The following SOS1 variants were observed in gnomAD, a reference collection of about 807,000 sequenced individuals.
SOS1 encodes son of sevenless homolog 1.
A neutral mutation model predicts 157.6 loss-of-function variants in SOS1; 25 were observed. The observed-to-expected ratio is 0.16, with a 90% CI of 0.12 to 0.22. SOS1 has a LOEUF of 0.22. SOS1 is among the 10% of genes least tolerant of loss of function. SOS1 has a pLI of 1.00. For missense variants in SOS1, 1,237 were observed against 1,599.1 expected (o/e 0.77, Z 3.86); for synonymous variants, 528 against 534.0 (o/e 0.99, Z 0.16).
At chr2:39,044,819 C>T (rs1670696228) in intron 6 of SOS1, among the ~76,000 whole-genome samples, 1 of 151,768 alleles carries the variant, frequency 6.6e-6, no homozygotes, top group Non-Finnish European at 1.5e-5. Flanking sequence ...CAATTCCCCA[C>T]ATATACTGAG....
chr2:39,050,328 C>T (rs868289766), intron 6 of SOS1, among the ~76,000 whole-genome samples: 2 of 152,078 alleles, frequency 1.3e-5, no homozygotes, highest in African/African-American at 2.4e-5. Context: ...CTTTCTATCT[C>T]GTGGTATCTG....
intron 1 of SOS1, among the ~76,000 whole-genome samples, chr2:39,100,063 A>G (rs1672906972): frequency 6.6e-6 from 1 of 152,194 alleles, no homozygotes; most frequent in South Asian, 2.1e-4. Context: ...AAACAGGTAT[A>G]TGAAAAGGTA....
chr2:39,069,257 CCCACCTACT>C (rs1240337562), intron 1 of SOS1, among the ~76,000 whole-genome samples: 1 of 144,740 alleles, frequency 6.9e-6, no homozygotes, highest in African/African-American at 2.6e-5. Context: ...TGTAGTAGTC[CCCACCTACT>C]CCAGAGGCTG....
chr2:39,085,032 A>G (rs563251894), intron 1 of SOS1, among the ~76,000 whole-genome samples: 1 of 151,922 alleles, frequency 6.6e-6, no homozygotes, highest in African/African-American at 2.4e-5. Flanking sequence ...CATCTATCCT[A>G]TCCTATTTTT....
At chr2:38,998,022 G>A (rs373515189) in intron 17 of SOS1, among the ~76,000 whole-genome samples, 45 of 152,274 alleles carry the variant, frequency 3.0e-4, no homozygotes, top group Non-Finnish European at 5.7e-4. Context: ...GGTTTTGCAA[G>A]CCTGTCAAAT....
intron 8 of SOS1, among the ~76,000 whole-genome samples, chr2:39,028,083 C>T (rs1258113900): frequency 1.3e-5 from 2 of 152,148 alleles, no homozygotes; most frequent in Admixed American, 6.5e-5. Context: ...ACTGGGATTA[C>T]AGGCATGAGC....
chr2:39,010,895 A>C (rs1669443445), intron 14 of SOS1, among the ~76,000 whole-genome samples, 192 bp from the exon 15 acceptor site: 1 of 40,602 alleles, frequency 2.5e-5, no homozygotes, highest in Non-Finnish European at 1.1e-4. Context: ...TTTTTTTTAA[A>C]CTTTTTTTTT....
chr2:39,075,157 A>G (rs1671926906), intron 1 of SOS1, among the ~76,000 whole-genome samples: 1 of 152,200 alleles, frequency 6.6e-6, no homozygotes, highest in South Asian at 2.1e-4. Context: ...ATGATGCCAC[A>G]GGCTCCATAA....
intron 1 of SOS1, chr2:39,098,536 A>C (rs1156313717): frequency 6.6e-6 from 1 of 152,330 alleles, no homozygotes; most frequent in Admixed American, 6.5e-5. Flanking sequence ...ACTTCACTTC[A>C]CATAATGGGA....
chr2:39,054,063 G>T (rs1267286773), intron 5 of SOS1, among the ~76,000 whole-genome samples: 3 of 152,112 alleles, frequency 2.0e-5, no homozygotes, highest in Non-Finnish European at 2.9e-5. Context: ...GAGTAGCTGG[G>T]ATTACAGACG....
chr2:39,045,273 A>AGTGTGTGAGTGTGTGT (rs1670736135), intron 6 of SOS1, among the ~76,000 whole-genome samples: 3 of 108,048 alleles, frequency 2.8e-5, no homozygotes, highest in African/African-American at 1.0e-4. Context: ...AGAGAGAGAG[A>AGTGTGTGAGTGTGTGT]GTGTGTGTGT....
chr2:39,064,741 C>CTTTTTTT (rs1558496540), intron 2 of SOS1, among the ~76,000 whole-genome samples: 1 of 49,088 alleles, frequency 2.0e-5, no homozygotes, highest in African/African-American at 8.8e-5. Context: ...TTTTAAAATA[C>CTTTTTTT]ATTTTTTTTT....
intron 1 of SOS1, among the ~76,000 whole-genome samples, chr2:39,083,289 A>C (rs1672270596): frequency 6.6e-6 from 1 of 152,102 alleles, no homozygotes; most frequent in South Asian, 2.1e-4. Flanking sequence ...GCAGAATGGA[A>C]TCTAGTGAAG....
chr2:39,006,554 A>T lies in SOS1; in HGVS notation c.2674-25T>A, dbSNP rs753412833. On this transcript the variant is annotated intron_variant, in intron 16 of 22. Transcript: ENST00000402219. ...GCTATAAGGAAAAAAAATAGGCGTA[A>T]GTTTACAAAAGGAATCAAAGGTCTT... 29 of 1,128,398 alleles carry T rather than the reference A, an allele frequency of 2.6e-5. No individual in the cohort carries two copies. The South Asian group carries it at 3.6e-4, about 14-fold the overall frequency. 69.9% of individuals were successfully genotyped at this position (1,128,398 alleles called of 1,614,324 possible).
intron 20 of SOS1, among the ~76,000 whole-genome samples, chr2:38,994,505 A>G (rs1668831470): frequency 6.6e-6 from 1 of 152,214 alleles, no homozygotes; most frequent in Admixed American, 6.5e-5. Flanking sequence ...GGTGGAGAGT[A>G]GATGGTGTAC....
chr2:39,055,835 T>G (rs188643494), intron 4 of SOS1, among the ~76,000 whole-genome samples: 7 of 152,326 alleles, frequency 4.6e-5, no homozygotes, highest in Non-Finnish European at 8.8e-5. Flanking sequence ...GCTTTGAAAC[T>G]TCTCAGAAAA....
intron 1 of SOS1, among the ~76,000 whole-genome samples, chr2:39,097,775 G>C (rs1311621408): frequency 6.6e-6 from 1 of 152,110 alleles, no homozygotes; most frequent in Non-Finnish European, 1.5e-5. Flanking sequence ...ATGTTGCCCA[G>C]GCATGTCTTG....
chr2:39,062,763 C>A (rs1300199429), intron 2 of SOS1, among the ~76,000 whole-genome samples: 1 of 151,552 alleles, frequency 6.6e-6, no homozygotes, highest in Non-Finnish European at 1.5e-5. Context: ...AAGGACAAGA[C>A]CTAAGAAATT....
intron 17 of SOS1, among the ~76,000 whole-genome samples, chr2:38,998,292 C>T (rs1315024669): frequency 4.6e-5 from 7 of 151,956 alleles, no homozygotes; most frequent in African/African-American, 1.7e-4. Context: ...CTCTGTCTCC[C>T]AGGCTAGAGT....
Sources: gnomAD v4.1 joint callset for allele counts (sites outside exome capture counted in the v4.1 genomes callset) on GRCh38, gnomAD v4.1.1 for gene constraint, MANE v1.5 for transcripts, NCBI Gene and HGNC (gene_info 2026-07-23, HGNC 2026-07-21) for gene names.